Variants in MDGA2 observed in about 807,000 individuals in gnomAD.
MDGA2 encodes MAM domain-containing glycosylphosphatidylinositol anchor protein 2.
A neutral mutation model predicts 117.8 loss-of-function variants in MDGA2; 40 were observed. The ratio of observed to expected loss-of-function variants is 0.34; its 90% CI spans 0.26 to 0.44. MDGA2 has a LOEUF of 0.44. Ranked by LOEUF, MDGA2 falls within the 20% of genes least tolerant of loss-of-function variation. The pLI is 1.00. For missense variants in MDGA2, 1,123 were observed against 1,250.6 expected (o/e 0.90, Z 1.54); for synonymous variants, 452 against 439.0 (o/e 1.03, Z -0.37).
At chr14:47,326,686 T>TACACAC (rs34047797) in intron 1 of MDGA2, among the ~76,000 whole-genome samples, 14 of 148,354 alleles carry the variant, frequency 9.4e-5, no homozygotes, top group South Asian at 2.2e-4. Flanking sequence ...TAAGATAGTA[T>TACACAC]ACACACACAC....
intron 1 of MDGA2, among the ~76,000 whole-genome samples, chr14:47,615,303 A>T (rs1896929015): frequency 6.6e-6 from 1 of 152,228 alleles, no homozygotes; most frequent in Non-Finnish European, 1.5e-5. Context: ...TAACCATTCT[A>T]TAATAACATT....
chr14:47,574,859 C>G (rs185323676), intron 1 of MDGA2, among the ~76,000 whole-genome samples: 2 of 152,276 alleles, frequency 1.3e-5, no homozygotes, highest in Admixed American at 6.5e-5. Context: ...GAATTTGAAG[C>G]CAGCAAGTCT....
chr14:47,573,190 G>T (rs149609637), intron 1 of MDGA2, among the ~76,000 whole-genome samples: 2,187 of 152,146 alleles, frequency 0.014, 47 homozygotes, highest in African/African-American at 0.049. Flanking sequence ...AACATTAACA[G>T]ATATAAGTTC....
At chr14:47,233,876 A>C (rs1351128207) in intron 2 of MDGA2, among the ~76,000 whole-genome samples, 1 of 151,946 alleles carries the variant, frequency 6.6e-6, no homozygotes, top group South Asian at 2.1e-4. Context: ...ATGAATTAGA[A>C]CCCCTACTAA....
chr14:47,491,132 A>AT (rs1013101423), intron 1 of MDGA2, among the ~76,000 whole-genome samples: 2 of 151,996 alleles, frequency 1.3e-5, no homozygotes, highest in African/African-American at 2.4e-5. Context: ...GTTAAGCAGA[A>AT]TTTTTTTTGT....
intron 1 of MDGA2, among the ~76,000 whole-genome samples, chr14:47,510,391 C>G (rs192131931): frequency 1.3e-5 from 2 of 152,178 alleles, no homozygotes; most frequent in Admixed American, 6.5e-5. Flanking sequence ...ACAGTGAGAA[C>G]TAAAGAGAGT....
chr14:47,009,421 A>C (rs1212910243), intron 8 of MDGA2, among the ~76,000 whole-genome samples: 2 of 152,050 alleles, frequency 1.3e-5, no homozygotes, highest in African/African-American at 4.8e-5. Flanking sequence ...AAACTTTTTT[A>C]CCTCATTACC....
chr14:47,496,684 T>A (rs1471409066), intron 1 of MDGA2, among the ~76,000 whole-genome samples: 1 of 151,198 alleles, frequency 6.6e-6, no homozygotes, highest in Non-Finnish European at 1.5e-5. Flanking sequence ...GATATACTGT[T>A]TAATTAATTA....
In MDGA2 at chr14:47,233,043, T is replaced by C. The variant is rs559020243; in HGVS notation, c.421-14848A>G. Reference sequence around the variant, plus strand: ...TGCCTTCAACTGAAAGTAACTGCTATTATAAAAGAGTTTCACACTCAGTAT... The same window carrying C: ...TGCCTTCAACTGAAAGTAACTGCTACTATAAAAGAGTTTCACACTCAGTAT... On this transcript the variant is annotated intron_variant, in intron 2 of 16. Coordinates refer to ENST00000399232, the MANE Select transcript of MDGA2 (RefSeq NM_001113498.3). 2.1e-3 allele frequency among the ~76,000 whole-genome samples: 318 copies of C among 152,288 alleles called. 2 individuals are homozygous for C. The highest frequency in any genetic ancestry group is 7.2e-3 in the African/African-American group (298 of 41,574).
chr14:47,494,315 A>C (rs1478576770), intron 1 of MDGA2, among the ~76,000 whole-genome samples: 1 of 152,186 alleles, frequency 6.6e-6, no homozygotes, highest in African/African-American at 2.4e-5. Context: ...TTGGTATATA[A>C]ACTTAATCTT....
At chr14:47,110,268 G>A (rs1880967620) in intron 5 of MDGA2, among the ~76,000 whole-genome samples, 1 of 152,052 alleles carries the variant, frequency 6.6e-6, no homozygotes. Flanking sequence ...TCAGCCGAAT[G>A]TTGACTCTGA....
At chr14:47,409,934 G>C (rs554109621) in intron 1 of MDGA2, among the ~76,000 whole-genome samples, 7 of 152,254 alleles carry the variant, frequency 4.6e-5, no homozygotes, top group African/African-American at 1.7e-4. Flanking sequence ...GAGGAGTAAA[G>C]TGCAAAAAAC....
intron 2 of MDGA2, among the ~76,000 whole-genome samples, chr14:47,264,755 T>C (rs1887909797): frequency 1.3e-5 from 2 of 151,996 alleles, no homozygotes; most frequent in Non-Finnish European, 2.9e-5. Context: ...CGTGCCATGG[T>C]AGTATACACG....
intron 10 of MDGA2, among the ~76,000 whole-genome samples, chr14:46,894,937 C>T (rs1169001890): frequency 6.6e-6 from 1 of 152,128 alleles, no homozygotes; most frequent in East Asian, 1.9e-4. Context: ...GACACCTCAA[C>T]CTAAAAATTA....
chr14:47,338,237 T>C (rs76888783), intron 1 of MDGA2, among the ~76,000 whole-genome samples: 2,345 of 152,070 alleles, frequency 0.015, 70 homozygotes, highest in East Asian at 0.15. Context: ...TTATTTGATA[T>C]GGTCTGCTTT....
In MDGA2 at chr14:47,238,783, A is replaced by T. The variant is rs114573637; in HGVS notation, c.421-20588T>A. Among the ~76,000 whole-genome samples, 468 of 151,888 alleles carry T rather than the reference A, an allele frequency of 3.1e-3. 5 individuals carry two copies. Among genetic ancestry groups the T allele is most frequent in the African/African-American group, 0.011 (452 of 41,484 alleles). ...GATATATTCATTAATTTCTCCACAT[A>T]TAATGATGTAAAAACAAAATAAAAC... On this transcript the variant is annotated intron_variant, in intron 2 of 16. Transcript: ENST00000399232.
At chr14:47,616,744 T>G (rs908639724) in intron 1 of MDGA2, among the ~76,000 whole-genome samples, 1 of 152,188 alleles carries the variant, frequency 6.6e-6, no homozygotes, top group Non-Finnish European at 1.5e-5. Flanking sequence ...AAATGCATTT[T>G]CCATATTTGT....
At chr14:47,214,509 T>C (rs1886013823) in intron 3 of MDGA2, among the ~76,000 whole-genome samples, 1 of 152,124 alleles carries the variant, frequency 6.6e-6, no homozygotes, top group Non-Finnish European at 1.5e-5. Context: ...ATGCATGTGG[T>C]AGTTCCTTTA....
intron 5 of MDGA2, among the ~76,000 whole-genome samples, chr14:47,099,228 A>T (rs879383485): frequency 8.6e-5 from 13 of 151,952 alleles, no homozygotes; most frequent in Non-Finnish European, 1.8e-4. Flanking sequence ...AATAGAAAAA[A>T]AAGTTGAAAT....
Sources: gnomAD v4.1 joint callset for allele counts (sites outside exome capture counted in the v4.1 genomes callset) on GRCh38, gnomAD v4.1.1 for gene constraint, MANE v1.5 for transcripts, NCBI Gene and HGNC (gene_info 2026-07-23, HGNC 2026-07-21) for gene names.